Variants in PARN observed in about 807,000 individuals in gnomAD.
PARN encodes poly(A)-specific ribonuclease PARN.
A neutral mutation model predicts 102.8 loss-of-function variants in PARN; 71 were observed. The ratio of observed to expected loss-of-function variants is 0.69; its 90% CI spans 0.57 to 0.84. The LOEUF (loss-of-function observed/expected upper bound fraction) is 0.84, where lower values mean the gene tolerates loss of function less well. PARN is among the 40% of genes least tolerant of loss of function. PARN has a pLI of 0.00. For synonymous variants in PARN, 261 were observed against 252.9 expected (o/e 1.03, Z -0.30); for missense variants, 782 against 760.9 (o/e 1.03, Z -0.33).
At chr16:14,497,971 G>C (rs1215614159) in intron 21 of PARN, among the ~76,000 whole-genome samples, 1 of 151,914 alleles carries the variant, frequency 6.6e-6, no homozygotes, top group Admixed American at 6.6e-5. Flanking sequence ...TAAAAATACA[G>C]AAATGAGCTG....
intron 1 of PARN, 36 bp from the exon 2 acceptor site, chr16:14,629,710 G>A: frequency 6.7e-7 from 1 of 1,482,376 alleles, no homozygotes; most frequent in South Asian, 1.1e-5. Context: ...AGAACCAGTG[G>A]CCTGAATTCC....
At chr16:14,534,221 GAA>G (rs1214382920) in intron 21 of PARN, among the ~76,000 whole-genome samples, 4 of 59,378 alleles carry the variant, frequency 6.7e-5, no homozygotes, top group Admixed American at 1.9e-4. Flanking sequence ...CCCTGTCTCA[GAA>G]AAAAAAAAAA....
intron 22 of PARN, among the ~76,000 whole-genome samples, chr16:14,474,069 T>C (rs1013906053): frequency 6.6e-6 from 1 of 152,192 alleles, no homozygotes; most frequent in African/African-American, 2.4e-5. Flanking sequence ...CATGGCTCAC[T>C]GGAGCCTCGA....
At chr16:14,473,303 A>T (rs1187017246) in intron 22 of PARN, among the ~76,000 whole-genome samples, 1 of 152,200 alleles carries the variant, frequency 6.6e-6, no homozygotes, top group East Asian at 1.9e-4. Context: ...CAGTGGTTTC[A>T]AAGGTGTCAT....
intron 21 of PARN, among the ~76,000 whole-genome samples, chr16:14,504,874 T>C (rs976284746): frequency 1.3e-5 from 2 of 150,234 alleles, no homozygotes; most frequent in African/African-American, 5.0e-5. Flanking sequence ...TAAGCCTCCA[T>C]TTAAAAGTTA....
At chr16:14,607,002 C>T (rs1279297938) in intron 9 of PARN, among the ~76,000 whole-genome samples, 4 of 151,792 alleles carry the variant, frequency 2.6e-5, no homozygotes, top group Admixed American at 1.3e-4. Flanking sequence ...AGGATGGTCT[C>T]GATGTCCTGA....
intron 18 of PARN, among the ~76,000 whole-genome samples, chr16:14,567,620 G>T (rs1035439809): frequency 6.6e-6 from 1 of 152,196 alleles, no homozygotes; most frequent in African/African-American, 2.4e-5. Flanking sequence ...GGGAAAGCCA[G>T]CCAATAAGAA....
intron 23 of PARN, among the ~76,000 whole-genome samples, chr16:14,446,641 G>C (rs781721997): frequency 7.9e-5 from 12 of 152,152 alleles, no homozygotes; most frequent in African/African-American, 2.4e-4. Context: ...GGAGGAGAGA[G>C]AGATTACCAA....
chr16:14,500,239 G>A (rs1964516096), intron 21 of PARN, among the ~76,000 whole-genome samples: 1 of 151,990 alleles, frequency 6.6e-6, no homozygotes, highest in Non-Finnish European at 1.5e-5. Flanking sequence ...AATTTTTTTT[G>A]TAGAGGTGGG....
chr16:14,484,289 G>A (rs1567311835), intron 21 of PARN, among the ~76,000 whole-genome samples: 1 of 152,198 alleles, frequency 6.6e-6, no homozygotes, highest in African/African-American at 2.4e-5. Flanking sequence ...GATGGATCAC[G>A]ATGGCGGCAT....
At chr16:14,625,603 C>A (rs1972598021) in intron 5 of PARN, among the ~76,000 whole-genome samples, 2 of 152,214 alleles carry the variant, frequency 1.3e-5, no homozygotes, top group African/African-American at 4.8e-5. Flanking sequence ...AAAATGTCAA[C>A]TGGTTTACTT....
chr16:14,562,837 C>T (rs1222949752), intron 18 of PARN, among the ~76,000 whole-genome samples: 4 of 152,124 alleles, frequency 2.6e-5, no homozygotes, highest in Non-Finnish European at 5.9e-5. Flanking sequence ...GCAAAATCCT[C>T]CACCCTTACC....
intron 6 of PARN, among the ~76,000 whole-genome samples, chr16:14,614,503 G>T (rs941397325): frequency 1.3e-5 from 2 of 152,152 alleles, no homozygotes; most frequent in African/African-American, 4.8e-5. Flanking sequence ...ACAGGAGTCA[G>T]CACAGAGGGG....
intron 22 of PARN, among the ~76,000 whole-genome samples, chr16:14,460,668 C>T (rs1249011444): frequency 1.3e-5 from 2 of 152,144 alleles, no homozygotes; most frequent in East Asian, 3.8e-4. Flanking sequence ...GGTAAAGCCA[C>T]AACATTTAGT....
At chr16:14,619,392 G>A (rs1299916592) in intron 5 of PARN, among the ~76,000 whole-genome samples, 1 of 151,372 alleles carries the variant, frequency 6.6e-6, no homozygotes, top group Non-Finnish European at 1.5e-5. Flanking sequence ...TGGAGCCCAG[G>A]AGTTTGTGTG....
intron 6 of PARN, among the ~76,000 whole-genome samples, 172 bp downstream of exon 6, chr16:14,617,418 G>GT (rs1567457575): frequency 6.7e-6 from 1 of 149,946 alleles, no homozygotes; most frequent in East Asian, 2.0e-4. Flanking sequence ...CAGTAAGCAA[G>GT]TTTTTAAAAA....
rs1473236230 is a variant in PARN, at chr16:14,436,640, C to T, written c.*77G>A. On this transcript the variant is annotated 3_prime_UTR_variant, in exon 24 of 24. Transcript: ENST00000437198. ...ATACCACATTTGATTAAGTTAAATA[C>T]AGTGCGGCTTCCAAATGTGCCAGCC... The T allele has an allele frequency of 1.9e-6, 2 of 1,037,588 alleles. No homozygotes were observed. The highest frequency in any genetic ancestry group is 2.9e-6 in the Non-Finnish European group (2 of 679,646). 64.3% of individuals were successfully genotyped at this position (1,037,588 alleles called of 1,614,324 possible). A position where few individuals can be genotyped will look rare whatever the true frequency, so the allele number is the denominator to read the frequency against.
chr16:14,445,435 CTTTGA>C (rs1961154630), intron 23 of PARN, among the ~76,000 whole-genome samples: 1 of 152,172 alleles, frequency 6.6e-6, no homozygotes, highest in East Asian at 1.9e-4. Context: ...TACTACTTTC[CTTTGA>C]TTTGATTGTT....
At chr16:14,539,974 G>GT (rs1966779947) in intron 21 of PARN, among the ~76,000 whole-genome samples, 1 of 152,152 alleles carries the variant, frequency 6.6e-6, no homozygotes, top group African/African-American at 2.4e-5. Context: ...ATCTAGTGAT[G>GT]TTTTTAAGTA....
Sources: allele counts gnomAD v4.1 joint callset (sites outside exome capture counted in the v4.1 genomes callset), GRCh38; gene constraint gnomAD v4.1.1; transcripts MANE v1.5; gene names NCBI Gene and HGNC (gene_info 2026-07-23, HGNC 2026-07-21).